Variants in SRGAP1 observed in about 807,000 individuals in gnomAD.
SRGAP1 encodes SLIT-ROBO Rho GTPase activating protein 1.
SRGAP1 carries 43 observed loss-of-function variants against 121.9 expected under a neutral mutation model. The observed-to-expected ratio is 0.35, with a 90% CI of 0.28 to 0.46. SRGAP1 has a LOEUF of 0.46. Among genes scored for constraint, SRGAP1 ranks in the 20% least tolerant of loss-of-function variants. SRGAP1 has a pLI of 1.00. For missense variants in SRGAP1, 1,102 were observed against 1,350.9 expected (o/e 0.82, Z 2.89); for synonymous variants, 447 against 485.4 (o/e 0.92, Z 1.04).
At chr12:64,032,534 T>A (rs7316077) in intron 4 of SRGAP1, 1 of 1,172,222 alleles carries the variant, frequency 8.5e-7, no homozygotes, top group Non-Finnish European at 1.3e-6. Context: ...CAGCACAGAG[T>A]GACCCAAGGC....
chr12:64,105,666 C>G (rs941966469), intron 15 of SRGAP1, among the ~76,000 whole-genome samples: 2 of 152,114 alleles, frequency 1.3e-5, no homozygotes, highest in African/African-American at 4.8e-5. Flanking sequence ...TGCTCCTAAT[C>G]CCAGCTACCT....
At chr12:63,946,200 G>T (rs1164091012) in intron 1 of SRGAP1, among the ~76,000 whole-genome samples, 1 of 151,734 alleles carries the variant, frequency 6.6e-6, no homozygotes, top group Non-Finnish European at 1.5e-5. Context: ...GGAAGATCTG[G>T]TTTTTGTATT....
chr12:64,122,187 T>C (rs2036615092), intron 18 of SRGAP1, among the ~76,000 whole-genome samples: 2 of 152,234 alleles, frequency 1.3e-5, no homozygotes, highest in Admixed American at 1.3e-4. Flanking sequence ...CTGTGTTGAA[T>C]TGTCTTCCCT....
At chr12:63,910,825 G>A (rs1233407375) in intron 1 of SRGAP1, among the ~76,000 whole-genome samples, 1 of 152,062 alleles carries the variant, frequency 6.6e-6, no homozygotes, top group Non-Finnish European at 1.5e-5. Context: ...TTTGGGAGAT[G>A]GGAACAGTGG....
At chr12:64,053,175 G>T (rs4763135) in intron 6 of SRGAP1, among the ~76,000 whole-genome samples, 47,440 of 152,104 alleles carry the variant, frequency 0.31, 7,748 homozygotes, top group South Asian at 0.45. Context: ...CACTATGCTT[G>T]AGAGCAAGGG....
intron 8 of SRGAP1, among the ~76,000 whole-genome samples, chr12:64,067,400 A>G (rs916758918): frequency 6.6e-5 from 10 of 152,200 alleles, no homozygotes; most frequent in African/African-American, 2.4e-4. Context: ...ACAGAGCAGG[A>G]CCCTGTCTCT....
At chr12:64,129,649 C>T (rs997837780) in intron 21 of SRGAP1, among the ~76,000 whole-genome samples, 3 of 152,160 alleles carry the variant, frequency 2.0e-5, no homozygotes, top group Non-Finnish European at 2.9e-5. Context: ...GTCATAATTA[C>T]GCCTAACATG....
At chr12:63,847,523 G>T (rs891872185) in intron 1 of SRGAP1, among the ~76,000 whole-genome samples, 1 of 151,932 alleles carries the variant, frequency 6.6e-6, no homozygotes, top group Non-Finnish European at 1.5e-5. Context: ...GGAGACCGAG[G>T]TGGGCGGATC....
chr12:64,019,665 C>A (rs892577829), intron 4 of SRGAP1, among the ~76,000 whole-genome samples: 1 of 152,128 alleles, frequency 6.6e-6, no homozygotes, highest in Non-Finnish European at 1.5e-5. Flanking sequence ...TTGTTCAAAT[C>A]AAATCTATCC....
rs112826038 is a variant in SRGAP1, at chr12:64,156,566, A to G, written c.*13894A>G. ...TTCTAGGTGCCCTGACCCCAAGATT[A>G]GGGGTTTTGTTAGAGGCAAAGCTAA... On this transcript the variant is annotated 3_prime_UTR_variant, in exon 22 of 22. Coordinates refer to ENST00000355086, the MANE Select transcript of SRGAP1 (RefSeq NM_020762.4). 1 of 152,344 alleles carries G rather than the reference A, an allele frequency of 6.6e-6. No homozygotes were observed. Among genetic ancestry groups the G allele is most frequent in the Non-Finnish European group, 1.5e-5 (1 of 68,034 alleles). The allele number at this position is 152,344 out of a possible 1,614,324, so 9.4% of individuals were successfully genotyped here.
At chr12:63,895,909 C>T (rs572961646) in intron 1 of SRGAP1, among the ~76,000 whole-genome samples, 1 of 152,206 alleles carries the variant, frequency 6.6e-6, no homozygotes, top group African/African-American at 2.4e-5. Flanking sequence ...TCAGCTGTGC[C>T]TTTATTCTTT....
rs2034674465 is a variant in SRGAP1 at position 64,027,311 on chromosome 12, C to T, written c.489+10299C>T. 1.3e-5 allele frequency among the ~76,000 whole-genome samples: 2 copies of T among 152,040 alleles called. 1 individual carries two copies. The highest frequency in any genetic ancestry group is 4.1e-4 in the South Asian group (2 of 4,830). On this transcript the variant is annotated intron_variant, in intron 4 of 21. Coordinates refer to ENST00000355086, the MANE Select transcript of SRGAP1 (RefSeq NM_020762.4). The stretch of plus-strand genomic sequence containing the variant: ...GCCCACATGCTGTACTCCCTTTTTA[C>T]TGGTGAATATAGTGTGGGTACATAA...
chr12:64,045,770 T>C (rs929141710), intron 6 of SRGAP1, among the ~76,000 whole-genome samples: 6 of 152,086 alleles, frequency 3.9e-5, no homozygotes, highest in African/African-American at 1.4e-4. Flanking sequence ...AGAAAAACTC[T>C]CCGTGTATAG....
Position 63,984,156 on chromosome 12 carries a change from A to G in SRGAP1, c.263+14A>G, listed in dbSNP as rs778049843. ...TCAACAATACAAGTAAGAGATTTGA[A>G]TCTAATTCACCTTTCCAAGGGTGAT... is the stretch of plus-strand genomic sequence containing the variant. On this transcript the variant is annotated intron_variant, in intron 2 of 21. Coordinates refer to ENST00000355086, the MANE Select transcript of SRGAP1 (RefSeq NM_020762.4). 1.0e-5 allele frequency: 14 copies of G among 1,399,688 alleles called. No individual in the cohort carries two copies. Among genetic ancestry groups the G allele is most frequent in the Middle Eastern group, 1.9e-4 (1 of 5,312 alleles). The allele number at this position is 1,399,688 out of a possible 1,614,324, so 86.7% of individuals were successfully genotyped here. A position where few individuals can be genotyped will look rare whatever the true frequency, so the allele number is the denominator to read the frequency against.
chr12:63,875,671 A>G (rs1900006601), intron 1 of SRGAP1, among the ~76,000 whole-genome samples: 1 of 152,228 alleles, frequency 6.6e-6, no homozygotes, highest in Admixed American at 6.5e-5. Flanking sequence ...GCATAGGGAC[A>G]CTTTTAACAA....
intron 1 of SRGAP1, among the ~76,000 whole-genome samples, chr12:63,919,830 T>C (rs1219524520): frequency 6.6e-6 from 1 of 152,252 alleles, no homozygotes. Flanking sequence ...TGCATGTAGC[T>C]GTAGTTCATT....
intron 1 of SRGAP1, among the ~76,000 whole-genome samples, chr12:63,981,276 G>A (rs2033237793): frequency 6.6e-6 from 1 of 152,090 alleles, no homozygotes; most frequent in Non-Finnish European, 1.5e-5. Flanking sequence ...AAAAAAGCCT[G>A]TATAATTTTT....
chr12:63,989,269 T>A (rs1235935174), intron 2 of SRGAP1, among the ~76,000 whole-genome samples: 2 of 152,196 alleles, frequency 1.3e-5, no homozygotes, highest in African/African-American at 4.8e-5. Context: ...CAGTTATGAG[T>A]CTGAAACAGT....
chr12:63,953,581 T>G (rs2032366732), intron 1 of SRGAP1, among the ~76,000 whole-genome samples: 3 of 152,034 alleles, frequency 2.0e-5, no homozygotes, highest in South Asian at 4.2e-4. Flanking sequence ...TTTTAAAGTT[T>G]TTTTTTTTAC....
Sources: gnomAD v4.1 joint callset for allele counts (sites outside exome capture counted in the v4.1 genomes callset) on GRCh38, gnomAD v4.1.1 for gene constraint, MANE v1.5 for transcripts, NCBI Gene and HGNC (gene_info 2026-07-23, HGNC 2026-07-21) for gene names.